HGFAC: variants seen among roughly 807,000 people sequenced by gnomAD.
HGFAC encodes hepatocyte growth factor activator serine protease.
Under a neutral mutation model 70.6 loss-of-function variants are expected in HGFAC, and 76 were observed. The observed-to-expected ratio is 1.08, with a 90% CI of 0.89 to 1.30. The LOEUF (loss-of-function observed/expected upper bound fraction) is 1.30, where lower values mean the gene tolerates loss of function less well. Ranked by LOEUF, HGFAC falls within the 50% of genes most tolerant of loss-of-function variation. The probability of loss-of-function intolerance (pLI) is 0.00; values close to 1 mark genes in which losing one functional copy is unlikely to be tolerated. For synonymous variants in HGFAC, 464 were observed against 405.3 expected, an observed-to-expected ratio of 1.14 and a Z score of -1.74; for missense variants, 1,044 against 933.7, an observed-to-expected ratio of 1.12 and a Z score of -1.54.
intron 4 of HGFAC, 144 bp downstream of exon 4, chr4:3,443,564 G>A: frequency 1.9e-6 from 1 of 515,612 alleles, no homozygotes; most frequent in South Asian, 3.4e-5. Context: ...CCCGGTGGGT[G>A]CCACTTAGGG....
chr4:3,442,769 C>G lies in HGFAC; in HGVS notation c.155C>G (p.Thr52Ser). 6.5e-7 allele frequency: 1 copy of G among 1,530,170 alleles called. No homozygotes were observed. The highest frequency in any genetic ancestry group is 8.8e-7 in the Non-Finnish European group (1 of 1,140,660). 94.8% of individuals were successfully genotyped at this position (1,530,170 alleles called of 1,614,324 possible). Residue 52 changes from threonine to serine, a missense_variant, in exon 2 of 14, where the codon ACC (threonine) becomes AGC (serine). Coordinates refer to ENST00000382774, the MANE Select transcript of HGFAC (RefSeq NM_001528.4). ...TCCCCAGAACCTAATGCCACAGCGA[C>G]CCCTGCGATCCCCACTATCCTGGTG... Reference protein sequence around the residue: ...TESPEPNATATPAIPTILVTS... With the variant: ...TESPEPNATASPAIPTILVTS...
intron 10 of HGFAC, among the ~76,000 whole-genome samples, chr4:3,446,936 C>T (rs1050930805): frequency 9.9e-5 from 15 of 152,190 alleles, no homozygotes; most frequent in African/African-American, 2.9e-4. Flanking sequence ...AACCTGCAGC[C>T]GGCGGCTCCT....
chr4:3,442,854 T>G lies in HGFAC; in HGVS notation c.240T>G (p.Ser80Arg), dbSNP rs150687795. The G allele has an allele frequency of 1.3e-6, 2 of 1,579,284 alleles. No individual in the cohort carries two copies. Among genetic ancestry groups the G allele is most frequent in the Non-Finnish European group, 1.7e-6 (2 of 1,165,854 alleles). ...CTCCAGAGGCAGAGGGACCCCAAAG[T>G]GGGGGGCTCCCGCCCCCGCCCAGGG... ...TSAPEAEGPQ[S>R]GGLPPPPRAV... is the part of the protein sequence containing the mutation. The change falls in exon 2 of 14, where the codon AGT becomes AGG. Residue 80 changes from serine to arginine, a missense_variant. Physicochemically the swap from Ser to Arg is moderately radical, Grantham distance 110. Coordinates refer to ENST00000382774, the MANE Select transcript of HGFAC (RefSeq NM_001528.4).
At chr4:3,446,323 GC>G in intron 10 of HGFAC, 29 bp downstream of exon 10, 1 of 1,590,212 alleles carries the variant, frequency 6.3e-7, no homozygotes. Context: ...CCAGTCACCT[GC>G]CCTGAGGCCC....
chr4:3,445,582 C>T (rs1577125816), intron 9 of HGFAC: 2 of 605,810 alleles, frequency 3.3e-6, no homozygotes, highest in East Asian at 5.5e-5. Flanking sequence ...CTCGGGGTGG[C>T]ACCTGCCCAG....
In HGFAC at chr4:3,446,239, G is replaced by A. The variant is rs369079003; in HGVS notation, c.1300G>A (p.Gly434Arg). Reference protein sequence around the residue: ...AIYIGDSFCAGSLVHTCWVVS... With the variant: ...AIYIGDSFCARSLVHTCWVVS... ...CTACATCGGGGACAGCTTCTGCGCC[G>A]GGAGCCTGGTCCACACCTGCTGGGT... The change falls in exon 10 of 14, where the codon GGG (glycine) becomes AGG (arginine). Residue 434 changes from glycine (G) to arginine (R), a missense_variant. Transcript: ENST00000382774. 4.3e-5 allele frequency: 70 copies of A among 1,610,334 alleles called. No homozygotes were observed. The highest frequency in any genetic ancestry group is 5.3e-5 in the Non-Finnish European group (62 of 1,179,244).
chr4:3,446,118 C>A lies in HGFAC; in HGVS notation c.1179C>A (p.Ala393=). 6.2e-7 allele frequency: 1 copy of A among 1,611,328 alleles called. No individual in the cohort carries two copies. Among genetic ancestry groups the A allele is most frequent in the Non-Finnish European group, 8.5e-7 (1 of 1,179,430 alleles). Residue 393 remains alanine (A), a synonymous_variant, in exon 10 of 14, where the codon GCC becomes GCA. Transcript: ENST00000382774. ...AGCCAGCCTCCCCGGGGCGCCAGGC[C>A]TGCGGCAGGAGGCACAAGAAGAGGA... The part of the protein sequence containing the change: ...LPEPASPGRQ[A]CGRRHKKRTF...
In HGFAC at chr4:3,444,603, C is replaced by G; in HGVS notation, c.731-20C>G. On this transcript the variant is annotated intron_variant, in intron 6 of 13. Transcript: ENST00000382774. ...GGGCACTGCGCGGCCCCTGGCCCAG[C>G]TCCTCGGCCCTGCCCCCAGCTTGTC... The G allele has an allele frequency of 6.4e-7, 1 of 1,571,994 alleles. No homozygotes were observed.
chr4:3,448,087 C>T, intron 12 of HGFAC, 41 bp from the exon 13 acceptor site: 1 of 1,564,824 alleles, frequency 6.4e-7, no homozygotes, highest in Non-Finnish European at 8.7e-7. Context: ...CAGTGGCCAG[C>T]CACAGTGTGG....
rs1202579249 is a variant in HGFAC, at chr4:3,442,918, T to G, written c.298+6T>G. The G allele has an allele frequency of 1.3e-6, 2 of 1,561,638 alleles. No individual in the cohort carries two copies. Among genetic ancestry groups the G allele is most frequent in the Non-Finnish European group, 1.7e-6 (2 of 1,154,746 alleles). On this transcript the variant is annotated splice_donor_region_variant and intron_variant, in intron 2 of 13. Coordinates refer to ENST00000382774, the MANE Select transcript of HGFAC (RefSeq NM_001528.4). ...CAGTAGCCCCCAGGCCCAAGGTGGGTCAGGTGGGCCTGGGAGGAGGTGTCG... is the reference window on the plus strand; with the variant it reads ...CAGTAGCCCCCAGGCCCAAGGTGGGGCAGGTGGGCCTGGGAGGAGGTGTCG...
Position 3,442,200 on chromosome 4 carries a change from C to T in HGFAC, c.117+82C>T, listed in dbSNP as rs1007133775. On this transcript the variant is annotated intron_variant, in intron 1 of 13. Coordinates refer to ENST00000382774, the MANE Select transcript of HGFAC (RefSeq NM_001528.4). The stretch of plus-strand genomic sequence containing the variant: ...CTTGGGAGGAGGCCAGAGGGAGGGT[C>T]GCCACAGAGCGTGGGGATTTGAGGG... 28 of 1,087,796 alleles carry T rather than the reference C, an allele frequency of 2.6e-5. 1 individual carries two copies. The highest frequency in any genetic ancestry group is 2.2e-4 in the Middle Eastern group (1 of 4,616). 67.4% of individuals were successfully genotyped at this position (1,087,796 alleles called of 1,614,324 possible).
At chr4:3,444,774 G>A (rs761845394) in intron 7 of HGFAC, 41 bp downstream of exon 7, 34 of 1,577,530 alleles carry the variant, frequency 2.2e-5, no homozygotes, top group East Asian at 4.6e-5. Flanking sequence ...GGGCAGTGCC[G>A]GGTGGACCCA....
At chr4:3,445,114 C>T in intron 8 of HGFAC, 121 bp downstream of exon 8, 3 of 1,344,758 alleles carry the variant, frequency 2.2e-6, no homozygotes, top group Non-Finnish European at 3.1e-6. Flanking sequence ...GCCCCGGAAC[C>T]TCTGCCTGGG....
At chr4:3,445,601 A>T (rs1400496152) in intron 9 of HGFAC, 1 of 602,194 alleles carries the variant, frequency 1.7e-6, no homozygotes, top group African/African-American at 1.9e-5. Flanking sequence ...AGCCTGGACC[A>T]TGCCCAGGAT....
intron 10 of HGFAC, 86 bp downstream of exon 10, chr4:3,446,380 G>A (rs575328542): frequency 1.5e-5 from 23 of 1,485,228 alleles, no homozygotes; most frequent in Middle Eastern, 2.4e-4. Flanking sequence ...ACCCGCTTGC[G>A]GACCCCATCC....
intron 5 of HGFAC, 67 bp downstream of exon 5, chr4:3,444,228 C>A (rs1447852791): frequency 1.1e-5 from 17 of 1,565,478 alleles, no homozygotes; most frequent in Admixed American, 5.8e-5. Flanking sequence ...GATGGGAGAA[C>A]AGGTGGCTCC....
At chr4:3,445,915 C>T (rs1296907830) in intron 9 of HGFAC, 127 bp from the exon 10 acceptor site, 31 of 1,551,694 alleles carry the variant, frequency 2.0e-5, no homozygotes, top group Non-Finnish European at 2.6e-5. Context: ...GCGCCAGGGC[C>T]TGAGCAGCGT....
At chr4:3,447,308 C>T (rs1725542973) in intron 10 of HGFAC, among the ~76,000 whole-genome samples, 184 bp from the exon 11 acceptor site, 1 of 152,172 alleles carries the variant, frequency 6.6e-6, no homozygotes, top group Admixed American at 6.5e-5. Context: ...CTGGCAATAG[C>T]CCCTGCTTGG....
At position 3,445,357 on chromosome 4, in the gene HGFAC, G is replaced by A. The variant is rs777161835; in HGVS notation, c.1102+7G>A. ...TGCCGCCTGGAGGCCTGCGGTGCGC[G>A]GCTGGCGGGGGGTGCTGCCTTGGGC... On this transcript the variant is annotated splice_region_variant and intron_variant, in intron 9 of 13. Coordinates refer to ENST00000382774, the MANE Select transcript of HGFAC (RefSeq NM_001528.4). The A allele has an allele frequency of 2.2e-5, 34 of 1,557,204 alleles. No homozygotes were observed. The highest frequency in any genetic ancestry group is 2.6e-5 in the Non-Finnish European group (30 of 1,150,172).
Sources: gnomAD v4.1 joint callset for allele counts (sites outside exome capture counted in the v4.1 genomes callset) on GRCh38, gnomAD v4.1.1 for gene constraint, MANE v1.5 for transcripts, NCBI Gene and HGNC (gene_info 2026-07-23, HGNC 2026-07-21) for gene names.